CALN1: variants seen among roughly 807,000 people sequenced by gnomAD.
The protein encoded by CALN1 is calneuron 1.
Under a neutral mutation model 30.6 loss-of-function variants are expected in CALN1, and 17 were observed. That is an observed-to-expected ratio of 0.56 (90% CI 0.38 to 0.83). The LOEUF (loss-of-function observed/expected upper bound fraction) is 0.83. Among genes scored for constraint, CALN1 ranks in the 40% least tolerant of loss-of-function variants. CALN1 has a pLI of 0.00. For synonymous variants in CALN1, 156 were observed against 131.4 expected (o/e 1.19, Z -1.28); for missense variants, 291 against 354.9 (o/e 0.82, Z 1.45).
chr7:72,152,343 C>A (rs115455613), intron 3 of CALN1, among the ~76,000 whole-genome samples: 1,558 of 152,288 alleles, frequency 0.01, 25 homozygotes, highest in African/African-American at 0.036. Flanking sequence ...GGCTTCAAGG[C>A]CTTCCCTCTC....
At chr7:71,799,067 C>T (rs991905785) in intron 6 of CALN1, among the ~76,000 whole-genome samples, 1 of 152,106 alleles carries the variant, frequency 6.6e-6, no homozygotes, top group Admixed American at 6.5e-5. Context: ...AGCACATGTT[C>T]AGCAATGTCT....
chr7:72,367,558 A>G, intron 2 of CALN1, among the ~76,000 whole-genome samples: 1 of 152,150 alleles, frequency 6.6e-6, no homozygotes, highest in East Asian at 1.9e-4. Flanking sequence ...ACAGTATTTC[A>G]AGGTTACAGA....
At chr7:72,336,898 G>A (rs1164587972) in intron 2 of CALN1, 13 of 984,684 alleles carry the variant, frequency 1.3e-5, no homozygotes, top group Non-Finnish European at 1.4e-5. Context: ...CGGCTCCCTC[G>A]GCGCCCCCGG....
chr7:72,065,636 G>C (rs1325073315), intron 4 of CALN1, among the ~76,000 whole-genome samples: 1 of 152,184 alleles, frequency 6.6e-6, no homozygotes, highest in African/African-American at 2.4e-5. Context: ...GGATCTCAAG[G>C]TGAGGAAAGC....
chr7:71,859,970 T>G (rs780705105), intron 5 of CALN1, among the ~76,000 whole-genome samples: 1 of 152,116 alleles, frequency 6.6e-6, no homozygotes, highest in Non-Finnish European at 1.5e-5. Flanking sequence ...TATCCCGATA[T>G]CTTGAGAACA....
At chr7:72,247,227 CTT>C (rs764276435) in intron 3 of CALN1, among the ~76,000 whole-genome samples, 120 of 77,596 alleles carry the variant, frequency 1.5e-3, no homozygotes, top group Non-Finnish European at 2.3e-3. Flanking sequence ...CATTTTCTTT[CTT>C]TTTTTTTTTT....
chr7:72,408,423 C>A (rs1026776925), intron 1 of CALN1, among the ~76,000 whole-genome samples: 1 of 151,880 alleles, frequency 6.6e-6, no homozygotes, highest in African/African-American at 2.4e-5. Flanking sequence ...CCAGCCTGGG[C>A]AACAGACTCG....
intron 5 of CALN1, among the ~76,000 whole-genome samples, chr7:72,001,118 G>T (rs72506801): frequency 0.052 from 7,867 of 151,572 alleles, 591 homozygotes; most frequent in East Asian, 0.32. Context: ...CCAGCATCAG[G>T]GAAAGGCAGT....
chr7:72,144,406 T>C (rs1259001544), intron 3 of CALN1, among the ~76,000 whole-genome samples: 1 of 152,184 alleles, frequency 6.6e-6, no homozygotes, highest in African/African-American at 2.4e-5. Context: ...AAGGGATCAA[T>C]TCAACAAGAA....
At chr7:72,347,299 G>C (rs923032440) in intron 2 of CALN1, among the ~76,000 whole-genome samples, 1 of 150,492 alleles carries the variant, frequency 6.6e-6, no homozygotes, top group Non-Finnish European at 1.5e-5. Flanking sequence ...CCAGGCTGGA[G>C]TGCAATGCCG....
At chr7:72,017,498 T>C (rs548234133) in intron 5 of CALN1, among the ~76,000 whole-genome samples, 16 of 152,266 alleles carry the variant, frequency 1.1e-4, no homozygotes, top group Non-Finnish European at 1.9e-4. Context: ...GTCTTGCACA[T>C]TGCACACAGC....
intron 3 of CALN1, among the ~76,000 whole-genome samples, chr7:72,220,375 C>G (rs10224695): frequency 6.6e-6 from 1 of 150,810 alleles, no homozygotes. Context: ...ACGAACTCAT[C>G]ATTTTTTTAT....
chr7:71,830,445 TCAAG>T (rs1789203096), intron 5 of CALN1, among the ~76,000 whole-genome samples: 1 of 152,116 alleles, frequency 6.6e-6, no homozygotes, highest in Admixed American at 6.5e-5. Flanking sequence ...CCGCCCAGGT[TCAAG>T]CAATTTTCCT....
At chr7:72,209,562 CCTCTCTTT>C (rs1792237565) in intron 3 of CALN1, among the ~76,000 whole-genome samples, 1 of 147,350 alleles carries the variant, frequency 6.8e-6, no homozygotes, top group African/African-American at 2.5e-5. Context: ...TCCCTCTCTC[CCTCTCTTT>C]CTCTTTGCAA....
In CALN1 at chr7:71,874,907, G is replaced by A. The variant is rs149940411; in HGVS notation, c.502-64415C>T. Among the ~76,000 whole-genome samples, 315 of 152,254 alleles carry A rather than the reference G, an allele frequency of 2.1e-3. 2 individuals are homozygous for A. Among genetic ancestry groups the A allele is most frequent in the African/African-American group, 7.3e-3 (303 of 41,542 alleles). Reference sequence around the variant, plus strand: ...TGGCTGGGTACTGTGATCCATGCCTGTAATCCCAGCACTTTGGGAGGCCGA... The same window carrying A: ...TGGCTGGGTACTGTGATCCATGCCTATAATCCCAGCACTTTGGGAGGCCGA... On this transcript the variant is annotated intron_variant, in intron 5 of 6. Coordinates refer to ENST00000395275, the MANE Select transcript of CALN1 (RefSeq NM_031468.4).
At chr7:72,181,856 A>G (rs759669339) in intron 3 of CALN1, among the ~76,000 whole-genome samples, 13 of 152,208 alleles carry the variant, frequency 8.5e-5, no homozygotes, top group Non-Finnish European at 1.5e-4. Flanking sequence ...ACAAGTATTC[A>G]GCCTATCCAA....
chr7:72,136,056 T>C (rs1001408330), intron 3 of CALN1, among the ~76,000 whole-genome samples: 4 of 151,634 alleles, frequency 2.6e-5, no homozygotes, highest in Non-Finnish European at 5.9e-5. Flanking sequence ...ATTGCTTGAA[T>C]CCAGGAGGGC....
intron 5 of CALN1, among the ~76,000 whole-genome samples, chr7:71,962,123 T>G (rs1356331171): frequency 6.6e-6 from 1 of 151,838 alleles, no homozygotes; most frequent in Non-Finnish European, 1.5e-5. Flanking sequence ...CCAGGCACAA[T>G]GGCTCACACC....
chr7:72,430,765 T>C (rs767427561), intron 1 of CALN1, among the ~76,000 whole-genome samples: 2 of 152,266 alleles, frequency 1.3e-5, no homozygotes, highest in Admixed American at 6.5e-5. Flanking sequence ...GAAGGTGTCC[T>C]GGTCACCTGT....
Sources: gnomAD v4.1 joint callset for allele counts (sites outside exome capture counted in the v4.1 genomes callset) on GRCh38, gnomAD v4.1.1 for gene constraint, MANE v1.5 for transcripts, NCBI Gene and HGNC (gene_info 2026-07-23, HGNC 2026-07-21) for gene names.